The following ARHGAP42 variants were observed in gnomAD, a reference collection of about 807,000 sequenced individuals.
The protein encoded by ARHGAP42 is Rho GTPase activating protein 42.
Under a neutral mutation model 125.0 loss-of-function variants are expected in ARHGAP42, and 63 were observed. That is an observed-to-expected ratio of 0.50 (90% CI 0.41 to 0.62). ARHGAP42 has a LOEUF of 0.62. Among genes scored for constraint, ARHGAP42 ranks in the 20% least tolerant of loss-of-function variants. The pLI, the probability that ARHGAP42 is intolerant of heterozygous loss-of-function variation, is 0.00. For synonymous variants in ARHGAP42, 339 were observed against 351.0 expected (o/e 0.97, Z 0.38); for missense variants, 766 against 1,024.2 (o/e 0.75, Z 3.44).
chr11:100,829,504 T>C (rs1864613222), intron 3 of ARHGAP42, among the ~76,000 whole-genome samples: 1 of 152,194 alleles, frequency 6.6e-6, no homozygotes, highest in Non-Finnish European at 1.5e-5. Flanking sequence ...GACCAGGGCA[T>C]GCAAAGAATC....
intron 1 of ARHGAP42, among the ~76,000 whole-genome samples, chr11:100,728,214 C>G (rs1481135280): frequency 6.6e-6 from 1 of 152,138 alleles, no homozygotes; most frequent in African/African-American, 2.4e-5. Flanking sequence ...AGCAAGCCTG[C>G]TAGGATGGAA....
chr11:100,927,260 T>A (rs1296681880), intron 6 of ARHGAP42, among the ~76,000 whole-genome samples: 1 of 152,214 alleles, frequency 6.6e-6, no homozygotes, highest in Non-Finnish European at 1.5e-5. Context: ...GAGCAGCTTT[T>A]GAAAGTTTAA....
At chr11:100,874,163 G>T (rs1410586102) in intron 4 of ARHGAP42, among the ~76,000 whole-genome samples, 1 of 151,990 alleles carries the variant, frequency 6.6e-6, no homozygotes, top group African/African-American at 2.4e-5. Flanking sequence ...AGAGCTGGAC[G>T]TCTGTGCAAA....
intron 3 of ARHGAP42, among the ~76,000 whole-genome samples, chr11:100,808,159 A>G (rs1199307653): frequency 6.6e-6 from 1 of 152,220 alleles, no homozygotes; most frequent in East Asian, 1.9e-4. Context: ...TAACAAAGCT[A>G]TGGATGAATG....
chr11:100,917,517 C>T (rs1306105273), intron 5 of ARHGAP42, among the ~76,000 whole-genome samples: 3 of 152,072 alleles, frequency 2.0e-5, no homozygotes, highest in African/African-American at 7.2e-5. Flanking sequence ...AAATTTGCTC[C>T]TACCTCTCAT....
intron 4 of ARHGAP42, among the ~76,000 whole-genome samples, chr11:100,889,297 G>A (rs1018033352): frequency 6.6e-6 from 1 of 152,132 alleles, no homozygotes; most frequent in Middle Eastern, 3.2e-3. Context: ...GAGGCATCTG[G>A]GTTATGAGGG....
chr11:100,919,024 A>T (rs537733838), intron 5 of ARHGAP42, among the ~76,000 whole-genome samples: 171 of 152,280 alleles, frequency 1.1e-3, no homozygotes, highest in African/African-American at 4.0e-3. Flanking sequence ...GCTATGATTT[A>T]TTACAGTAAA....
intron 2 of ARHGAP42, among the ~76,000 whole-genome samples, chr11:100,780,662 C>T (rs781450093): frequency 1.7e-4 from 26 of 152,214 alleles, no homozygotes; most frequent in Non-Finnish European, 8.8e-5. Flanking sequence ...GGCTTTGTAG[C>T]TTTCTCTTGC....
At chr11:100,903,856 C>T (rs909486466) in intron 4 of ARHGAP42, among the ~76,000 whole-genome samples, 1 of 150,880 alleles carries the variant, frequency 6.6e-6, no homozygotes, top group African/African-American at 2.4e-5. Context: ...GCCTGAGTCC[C>T]GAAACTGAAG....
At position 100,948,534 on chromosome 11, in the gene ARHGAP42, C is replaced by A; in HGVS notation, c.1121C>A (p.Pro374Gln). The stretch of plus-strand genomic sequence containing the variant: ...CTTGAAGCCATGGATGGGAAGGAAC[C>A]GGTAAGACTATGACACATTCTATAA... ...LWLEAMDGKE[P>Q]IYTLPAIISK... Residue 374 changes from proline to glutamine, a missense_variant and splice_region_variant, in exon 11 of 24, where the codon CCG (proline) becomes CAG (glutamine). Around this residue, in one of 3 missense-constraint regions of ARHGAP42, gnomAD observed 455 missense variants for 636.5 expected, o/e 0.71. Transcript: ENST00000298815. The A allele has an allele frequency of 6.5e-7, 1 of 1,547,902 alleles. No individual in the cohort carries two copies. Among genetic ancestry groups the A allele is most frequent in the Non-Finnish European group, 8.7e-7 (1 of 1,144,490 alleles).
intron 4 of ARHGAP42, among the ~76,000 whole-genome samples, chr11:100,885,609 A>C (rs1002635490): frequency 6.6e-6 from 1 of 152,192 alleles, no homozygotes; most frequent in Non-Finnish European, 1.5e-5. Flanking sequence ...AGATTTTGCA[A>C]AATTATATTT....
At chr11:100,721,807 G>A (rs1360668009) in intron 1 of ARHGAP42, among the ~76,000 whole-genome samples, 1 of 152,088 alleles carries the variant, frequency 6.6e-6, no homozygotes, top group African/African-American at 2.4e-5. Context: ...ATGATATGAT[G>A]TTATATGGAT....
intron 3 of ARHGAP42, among the ~76,000 whole-genome samples, chr11:100,849,325 C>T (rs988610360): frequency 6.6e-6 from 1 of 152,138 alleles, no homozygotes; most frequent in African/African-American, 2.4e-5. Context: ...GTGTGGAAAA[C>T]TGGCCCATAG....
rs367657646 is a variant in ARHGAP42, at chr11:100,979,701, A to T, written c.2456+652A>T. 7.5e-3 allele frequency among the ~76,000 whole-genome samples: 1,122 copies of T among 148,838 alleles called. 17 individuals are homozygous for T. Among genetic ancestry groups the T allele is most frequent in the African/African-American group, 0.026 (1,052 of 40,756 alleles). On this transcript the variant is annotated intron_variant, in intron 22 of 23. Coordinates refer to ENST00000298815, the MANE Select transcript of ARHGAP42 (RefSeq NM_152432.4). ...TTCATAAAGTCAGAGGCTTTTCATT[A>T]TTTTTTTTTTTTACTATCAGCTGCT...
chr11:100,984,154 A>G (rs1858614145), intron 22 of ARHGAP42, among the ~76,000 whole-genome samples: 1 of 151,824 alleles, frequency 6.6e-6, no homozygotes, highest in Admixed American at 6.6e-5. Context: ...AAAAATCTCC[A>G]ATTAGTGCCA....
chr11:100,792,228 G>C, intron 2 of ARHGAP42, among the ~76,000 whole-genome samples: 1 of 152,044 alleles, frequency 6.6e-6, no homozygotes, highest in East Asian at 1.9e-4. Flanking sequence ...CTATGTACTA[G>C]GTATTTATTT....
chr11:100,876,055 A>C (rs1865818333), intron 4 of ARHGAP42, among the ~76,000 whole-genome samples: 1 of 152,172 alleles, frequency 6.6e-6, no homozygotes, highest in Non-Finnish European at 1.5e-5. Flanking sequence ...TCACTGGACT[A>C]AGACCTGAAA....
intron 17 of ARHGAP42, among the ~76,000 whole-genome samples, chr11:100,966,527 A>G (rs1044391507): frequency 6.6e-6 from 1 of 152,042 alleles, no homozygotes; most frequent in Admixed American, 6.6e-5. Flanking sequence ...TTCTTTTAAG[A>G]TCTTCAACTG....
intron 1 of ARHGAP42, among the ~76,000 whole-genome samples, chr11:100,698,470 TA>T (rs984815575): frequency 1.3e-5 from 2 of 151,938 alleles, no homozygotes; most frequent in East Asian, 1.9e-4. Context: ...GACCCTGTCT[TA>T]AAAAAAGGTC....
Sources: allele counts gnomAD v4.1 joint callset (sites outside exome capture counted in the v4.1 genomes callset), GRCh38; gene constraint gnomAD v4.1.1; regional missense constraint gnomAD v4.1.1; transcripts MANE v1.5; gene names NCBI Gene and HGNC (gene_info 2026-07-23, HGNC 2026-07-21).